ZNF536: variants seen among roughly 807,000 people sequenced by gnomAD.
ZNF536 encodes zinc finger protein 536.
ZNF536 carries 13 observed loss-of-function variants against 84.5 expected under a neutral mutation model. The observed-to-expected ratio is 0.15, with a 90% CI of 0.10 to 0.24. The LOEUF is 0.24. Among genes scored for constraint, ZNF536 ranks in the 10% least tolerant of loss-of-function variants. The pLI is 1.00. For missense variants in ZNF536, 1,536 were observed against 1,747.5 expected (o/e 0.88, Z 2.16); for synonymous variants, 811 against 742.5 (o/e 1.09, Z -1.50).
At chr19:30,592,315 C>A (rs1424897786) in intron 1 of ZNF536, among the ~76,000 whole-genome samples, 1 of 152,180 alleles carries the variant, frequency 6.6e-6, no homozygotes, top group Non-Finnish European at 1.5e-5. Context: ...GTACCCAACA[C>A]CCCAGGAATG....
chr19:30,311,893 A>C (rs1668154958), intron 2 of ZNF536, among the ~76,000 whole-genome samples: 1 of 151,986 alleles, frequency 6.6e-6, no homozygotes, highest in Admixed American at 6.6e-5. Flanking sequence ...ACATAGTGAG[A>C]CCTCATCTCT....
intron 2 of ZNF536, among the ~76,000 whole-genome samples, chr19:30,306,627 T>C (rs1009405180): frequency 1.3e-5 from 2 of 152,228 alleles, no homozygotes; most frequent in African/African-American, 4.8e-5. Flanking sequence ...GTTATAAGTT[T>C]GTTTGAGAAA....
intron 1 of ZNF536, among the ~76,000 whole-genome samples, chr19:30,621,278 A>C (rs1238797026): frequency 3.9e-5 from 6 of 152,024 alleles, no homozygotes; most frequent in African/African-American, 1.4e-4. Flanking sequence ...AGAGCAGCAG[A>C]GGTGTCTCTC....
chr19:30,336,397 A>G (rs1258185668), intron 2 of ZNF536, among the ~76,000 whole-genome samples: 1 of 152,184 alleles, frequency 6.6e-6, no homozygotes, highest in Non-Finnish European at 1.5e-5. Context: ...TGGAATGCAA[A>G]TGCTGTTGGA....
At chr19:30,261,961 C>A (rs1326930078) in intron 1 of ZNF536, among the ~76,000 whole-genome samples, 1 of 152,056 alleles carries the variant, frequency 6.6e-6, no homozygotes, top group Non-Finnish European at 1.5e-5. Flanking sequence ...GGAGTCCCAC[C>A]CCCTCTTCAC....
chr19:30,243,308 A>G (rs146067277), intron 1 of ZNF536, among the ~76,000 whole-genome samples: 1 of 152,310 alleles, frequency 6.6e-6, no homozygotes, highest in Non-Finnish European at 1.5e-5. Context: ...AAACATGAAT[A>G]TAATTATTGT....
intron 3 of ZNF536, among the ~76,000 whole-genome samples, chr19:30,546,362 C>T (rs1568537376): frequency 6.6e-6 from 1 of 152,324 alleles, no homozygotes; most frequent in Non-Finnish European, 1.5e-5. Context: ...AACAGATTCC[C>T]TGCTGGGTTC....
At chr19:30,480,556 G>A (rs1476665350) in intron 2 of ZNF536, among the ~76,000 whole-genome samples, 2 of 152,092 alleles carry the variant, frequency 1.3e-5, no homozygotes, top group Non-Finnish European at 2.9e-5. Flanking sequence ...CGTGGGGTAG[G>A]GGGCAAGGGG....
At chr19:30,678,105 A>T (rs1354346463) in intron 1 of ZNF536, among the ~76,000 whole-genome samples, 1 of 152,222 alleles carries the variant, frequency 6.6e-6, no homozygotes, top group Non-Finnish European at 1.5e-5. Flanking sequence ...TTAGACTGCA[A>T]AGGGTCCATG....
chr19:30,690,647 G>C (rs1055157852), intron 1 of ZNF536, among the ~76,000 whole-genome samples: 2 of 152,100 alleles, frequency 1.3e-5, no homozygotes, highest in Non-Finnish European at 2.9e-5. Context: ...CAGAGAGGAG[G>C]GGTTTGGAGC....
In ZNF536 at chr19:30,247,191, C is replaced by A. The variant is rs190058736; in HGVS notation, c.-190+18518C>A. Among the ~76,000 whole-genome samples, 1,269 of 152,330 alleles carry A rather than the reference C, an allele frequency of 8.3e-3. 10 individuals carry two copies. Among genetic ancestry groups the A allele is most frequent in the Non-Finnish European group, 0.014 (933 of 68,026 alleles). On this transcript the variant is annotated intron_variant, in intron 1 of 5. Coordinates refer to the ZNF536 transcript ENST00000585628. ...AAAATAAGATATGTATTCAAGGGCA[C>A]CCCCGGTGTGCCCCCATTGTAGGCC...
chr19:30,691,485 C>CCCAGACT (rs1443417643), intron 1 of ZNF536, among the ~76,000 whole-genome samples: 1 of 151,820 alleles, frequency 6.6e-6, no homozygotes, highest in Non-Finnish European at 1.5e-5. Flanking sequence ...GGGTCTCACG[C>CCCAGACT]CCAGACTCCG....
At chr19:30,402,279 C>T (rs2050074162) in intron 1 of ZNF536, among the ~76,000 whole-genome samples, 1 of 151,910 alleles carries the variant, frequency 6.6e-6, no homozygotes, top group South Asian at 2.1e-4. Context: ...GTCACAACAG[C>T]ACTTTGTTCA....
rs2148220180 is a variant in ZNF536, at chr19:30,445,321, A to G, written c.1759A>G (p.Lys587Glu). Residue 587 changes from lysine (K) to glutamate (E), a missense_variant, in exon 2 of 5, where the codon AAA becomes GAA. Lys to Glu is a moderately conservative substitution (Grantham distance 56). Coordinates refer to ENST00000355537, the MANE Select transcript of ZNF536 (RefSeq NM_014717.3). The surrounding 1 kb of genome is among the most constrained non-coding windows in gnomAD (Gnocchi z 4.5). ...KMPADLVHST[K>E]VGSQRDLPSK... ...GCCTGCTGATTTGGTTCACAGCACT[A>G]AAGTGGGCAGCCAGAGAGACCTGCC... 7 of 1,614,142 alleles carry G rather than the reference A, an allele frequency of 4.3e-6. No homozygotes were observed. The highest frequency in any genetic ancestry group is 2.2e-5 in the South Asian group (2 of 91,084).
intron 1 of ZNF536, among the ~76,000 whole-genome samples, chr19:30,615,240 C>T (rs879935664): frequency 1.4e-4 from 22 of 151,870 alleles, no homozygotes; most frequent in South Asian, 2.1e-4. Context: ...CCACCGCGCC[C>T]GGCCTCAATT....
At chr19:30,522,782 G>A (rs777446634) in intron 2 of ZNF536, among the ~76,000 whole-genome samples, 16 of 152,036 alleles carry the variant, frequency 1.1e-4, no homozygotes, top group Middle Eastern at 3.4e-3. Context: ...ACTCTTGGAG[G>A]GGCTTTCAAT....
intron 3 of ZNF536, among the ~76,000 whole-genome samples, chr19:30,546,513 C>T (rs1406939077): frequency 6.6e-6 from 1 of 152,172 alleles, no homozygotes; most frequent in African/African-American, 2.4e-5. Flanking sequence ...CATGGCATCT[C>T]CTGCTCAGAA....
chr19:30,688,085 T>C (rs1354983625), intron 1 of ZNF536, among the ~76,000 whole-genome samples: 3 of 151,128 alleles, frequency 2.0e-5, no homozygotes, highest in Non-Finnish European at 4.4e-5. Context: ...TTCTGAGGAT[T>C]AAACACCCAG....
At chr19:30,572,321 C>A (rs1032961248) in intron 1 of ZNF536, among the ~76,000 whole-genome samples, 6 of 152,256 alleles carry the variant, frequency 3.9e-5, no homozygotes, top group African/African-American at 1.4e-4. Flanking sequence ...ACACTAAGGT[C>A]CCAGGCCCCC....
Sources: allele counts gnomAD v4.1 joint callset (sites outside exome capture counted in the v4.1 genomes callset), GRCh38; gene constraint gnomAD v4.1.1; non-coding constraint Gnocchi (gnomAD v3.1); transcripts MANE v1.5; gene names NCBI Gene and HGNC (gene_info 2026-07-23, HGNC 2026-07-21).